FMO4: variants seen among roughly 807,000 people sequenced by gnomAD.
FMO4 encodes the protein dimethylaniline monooxygenase [N-oxide-forming] 4.
FMO4 carries 38 observed loss-of-function variants against 43.3 expected under a neutral mutation model. The ratio of observed to expected loss-of-function variants is 0.88; its 90% CI spans 0.68 to 1.15. The LOEUF (loss-of-function observed/expected upper bound fraction) is 1.15. Among genes scored for constraint, FMO4 ranks in the 50% most tolerant of loss-of-function variants. The probability of loss-of-function intolerance (pLI) is 0.00; values close to 1 mark genes in which losing one functional copy is unlikely to be tolerated. For synonymous variants in FMO4, 224 were observed against 232.2 expected (o/e 0.96, Z 0.32); for missense variants, 631 against 663.3 (o/e 0.95, Z 0.54).
At chr1:171,322,243 T>C (rs1391357657) in intron 3 of FMO4, among the ~76,000 whole-genome samples, 1 of 152,048 alleles carries the variant, frequency 6.6e-6, no homozygotes, top group Non-Finnish European at 1.5e-5. Context: ...GGAAGGTAGA[T>C]TGGGAATATA....
intron 5 of FMO4, among the ~76,000 whole-genome samples, chr1:171,327,779 G>A (rs1662726899): frequency 6.6e-6 from 1 of 152,106 alleles, no homozygotes; most frequent in African/African-American, 2.4e-5. Flanking sequence ...AGCCAGGCAT[G>A]GTGGCATGTA....
Position 171,341,504 on chromosome 1 carries a change from C to T in FMO4, c.1342C>T (p.Pro448Ser). ...CTGCATAGGCACAAAGCCCAGCATC[C>T]CACTTCTGTTCCTCAAGGATCCCAG... ...AACIGTKPSI[P>S]LLFLKDPRLA... is the part of the protein sequence containing the mutation. The change falls in exon 10 of 10, where the codon CCA (proline) becomes TCA (serine). Residue 448 changes from proline (P) to serine (S), a missense_variant. Physicochemically the swap from Pro to Ser is moderately conservative, Grantham distance 74 (BLOSUM62 -1). Coordinates refer to ENST00000367749, the MANE Select transcript of FMO4 (RefSeq NM_002022.3). The T allele has an allele frequency of 6.2e-7, 1 of 1,614,016 alleles. No homozygotes were observed. Among genetic ancestry groups the T allele is most frequent in the Non-Finnish European group, 8.5e-7 (1 of 1,179,950 alleles).
chr1:171,324,149 C>G lies in FMO4; in HGVS notation c.333C>G (p.Cys111Trp), dbSNP rs781342399. Residue 111 changes from cysteine to tryptophan, a missense_variant, in exon 5 of 10, where the codon TGC becomes TGG. Cys to Trp is a radical substitution (Grantham distance 215). Coordinates refer to ENST00000367749, the MANE Select transcript of FMO4 (RefSeq NM_002022.3). ...LKYIQFKTTV[C>W]SITKRPDFSE... ...TCTTTCACTTTTAGACCACTGTGTG[C>G]AGCATAACGAAGCGTCCAGACTTCT... 1.6e-5 allele frequency: 26 copies of G among 1,610,876 alleles called. No homozygotes were observed. Among genetic ancestry groups the G allele is most frequent in the Middle Eastern group, 3.3e-4 (2 of 6,060 alleles).
chr1:171,341,559 G>T lies in FMO4; in HGVS notation c.1397G>T (p.Cys466Phe), dbSNP rs1231575314. The change falls in exon 10 of 10, where the codon TGT (cysteine) becomes TTT (phenylalanine). Residue 466 changes from cysteine to phenylalanine, a missense_variant. Transcript: ENST00000367749. ...RLAWEVFFGP[C>F]TPYQYRLMGP... ...GCTTGGGAAGTTTTCTTTGGACCAT[G>T]TACTCCTTATCAGTACCGCCTCATG... The T allele has an allele frequency of 1.2e-6, 2 of 1,613,908 alleles. No individual in the cohort carries two copies. The highest frequency in any genetic ancestry group is 1.7e-5 in the Admixed American group (1 of 59,958).
At chr1:171,337,856 G>A (rs562329337) in intron 9 of FMO4, among the ~76,000 whole-genome samples, 12 of 152,078 alleles carry the variant, frequency 7.9e-5, no homozygotes, top group East Asian at 7.7e-4. Context: ...CCTCATCCAG[G>A]CCTGTGGCTT....
intron 2 of FMO4, among the ~76,000 whole-genome samples, chr1:171,318,252 G>A (rs973080889): frequency 5.9e-5 from 9 of 152,094 alleles, no homozygotes; most frequent in African/African-American, 1.9e-4. Flanking sequence ...AGGAAGTGGA[G>A]GTTGCAGTGA....
At position 171,324,274 on chromosome 1, in the gene FMO4, C is replaced by T. The variant is rs1558036887; in HGVS notation, c.458C>T (p.Pro153Leu). Residue 153 changes from proline (P) to leucine (L), a missense_variant, in exon 5 of 10, where the codon CCC becomes CTC. Coordinates refer to ENST00000367749, the MANE Select transcript of FMO4 (RefSeq NM_002022.3). ...GTTTGCACTGGACATTTCCTGAATC[C>T]CCATTTACCTTTGGAAGCCTTTCCT... Reference protein sequence around the residue: ...VMVCTGHFLNPHLPLEAFPGI... With the variant: ...VMVCTGHFLNLHLPLEAFPGI... 6.2e-7 allele frequency: 1 copy of T among 1,610,124 alleles called. No individual in the cohort carries two copies. Among genetic ancestry groups the T allele is most frequent in the Admixed American group, 1.7e-5 (1 of 59,268 alleles).
Position 171,319,949 on chromosome 1 carries a change from A to T in FMO4, c.124A>T (p.Lys42Ter), listed in dbSNP as rs746562406. Residue 42 changes from lysine (K) to a stop codon, truncating the protein, a stop_gained, in exon 3 of 10, where the codon AAG (lysine) becomes TAG (stop). Transcript: ENST00000367749. LOFTEE classifies it high-confidence loss of function. ...ERSDDIGGLW[K>*]FTESSKDGMT... is the part of the protein sequence containing the mutation. ...AAGTGATGACATTGGGGGATTATGG[A>T]AGTTTACTGTACGTGGTTCATCTCT... The T allele has an allele frequency of 9.9e-6, 16 of 1,613,658 alleles. No individual in the cohort carries two copies. The highest frequency in any genetic ancestry group is 1.7e-6 in the Non-Finnish European group (2 of 1,179,752).
intron 5 of FMO4, among the ~76,000 whole-genome samples, chr1:171,325,139 A>C (rs993109047): frequency 6.6e-6 from 1 of 152,130 alleles, no homozygotes; most frequent in Non-Finnish European, 1.5e-5. Context: ...ATAAATAATC[A>C]TACAACTCTT....
At chr1:171,324,872 A>C (rs975930450) in intron 5 of FMO4, among the ~76,000 whole-genome samples, 2 of 150,620 alleles carry the variant, frequency 1.3e-5, no homozygotes, top group African/African-American at 5.0e-5. Flanking sequence ...CTGTAATCCC[A>C]GTACTTTGGG....
intron 5 of FMO4, among the ~76,000 whole-genome samples, chr1:171,326,820 C>T (rs767253176): frequency 1.6e-4 from 25 of 152,272 alleles, no homozygotes; most frequent in Non-Finnish European, 2.8e-4. Flanking sequence ...CCTCTCTGGG[C>T]GTGATAACTT....
At chr1:171,316,433 G>A (rs1662205712) in intron 2 of FMO4, 106 bp downstream of exon 2, 2 of 152,230 alleles carry the variant, frequency 1.3e-5, no homozygotes. Flanking sequence ...GGGAGGTAGA[G>A]AATGAACACT....
chr1:171,332,660 C>T (rs765256882), intron 6 of FMO4, 49 bp from the exon 7 acceptor site: 1 of 1,498,512 alleles, frequency 6.7e-7, no homozygotes, highest in Non-Finnish European at 9.2e-7. Context: ...AAAAATACTA[C>T]AAAATGATGA....
chr1:171,325,790 A>G (rs1662633493), intron 5 of FMO4, among the ~76,000 whole-genome samples: 1 of 126,548 alleles, frequency 7.9e-6, no homozygotes, highest in South Asian at 2.6e-4. Context: ...TTTATTCCAC[A>G]CTAAATTCAG....
At chr1:171,329,979 T>G (rs984365002) in intron 5 of FMO4, among the ~76,000 whole-genome samples, 3 of 152,220 alleles carry the variant, frequency 2.0e-5, no homozygotes, top group Non-Finnish European at 2.9e-5. Context: ...ATAAGATGTT[T>G]CTTATTATTT....
chr1:171,331,562 T>G, intron 5 of FMO4, 78 bp from the exon 6 acceptor site: 1 of 1,422,312 alleles, frequency 7.0e-7, no homozygotes, highest in Non-Finnish European at 9.8e-7. Context: ...CTTCCCTTTT[T>G]CCACAGACCC....
Position 171,341,729 on chromosome 1 carries a change from C to T in FMO4, c.1567C>T (p.Leu523=), listed in dbSNP as rs145151838. 13 of 1,613,626 alleles carry T rather than the reference C, an allele frequency of 8.1e-6. No homozygotes were observed. The African/African-American group carries it at 1.7e-4, about 22-fold the overall frequency. Residue 523 remains leucine, a synonymous_variant, in exon 10 of 10, where the codon CTA becomes TTA. Coordinates refer to ENST00000367749, the MANE Select transcript of FMO4 (RefSeq NM_002022.3). The part of the protein sequence containing the change: ...HYLKAWGAPV[L]LASLLLICKS... Reference sequence around the variant, plus strand: ...TTTAAAAGCCTGGGGGGCACCTGTCCTACTTGCCTCTCTTCTACTTATCTG... The same window carrying T: ...TTTAAAAGCCTGGGGGGCACCTGTCTTACTTGCCTCTCTTCTACTTATCTG...
chr1:171,324,012 CAATATT>C, intron 4 of FMO4, 120 bp from the exon 5 acceptor site: 1 of 772,398 alleles, frequency 1.3e-6, no homozygotes, highest in Non-Finnish European at 2.0e-6. Context: ...GATGATAAAT[CAATATT>C]AATAGACCTC....
At chr1:171,321,905 G>C (rs1264527387) in intron 3 of FMO4, among the ~76,000 whole-genome samples, 1 of 152,156 alleles carries the variant, frequency 6.6e-6, no homozygotes, top group Non-Finnish European at 1.5e-5. Flanking sequence ...CTTATGCAGC[G>C]CTGTTGGGTC....
Sources: gnomAD v4.1 joint callset for allele counts (sites outside exome capture counted in the v4.1 genomes callset) on GRCh38, gnomAD v4.1.1 for gene constraint, MANE v1.5 for transcripts, NCBI Gene and HGNC (gene_info 2026-07-23, HGNC 2026-07-21) for gene names.